Variants in STK38L observed in about 807,000 individuals in gnomAD.
STK38L encodes serine/threonine kinase 38 like, also known as serine/threonine-protein kinase 38-like.
Under a neutral mutation model 59.7 loss-of-function variants are expected in STK38L, and 28 were observed. That is an observed-to-expected ratio of 0.47 (90% confidence interval 0.35 to 0.64). The LOEUF (loss-of-function observed/expected upper bound fraction) is 0.64, where lower values mean the gene tolerates loss of function less well. STK38L is among the 30% of genes least tolerant of loss of function. The pLI is 0.01. For synonymous variants in STK38L, 162 were observed against 176.8 expected, an observed-to-expected ratio of 0.92 and a Z score of 0.66; for missense variants, 314 against 555.8, an observed-to-expected ratio of 0.56 and a Z score of 4.37.
chr12:27,292,963 C>G (rs944599856), intron 1 of STK38L, among the ~76,000 whole-genome samples: 1 of 151,886 alleles, frequency 6.6e-6, no homozygotes, highest in African/African-American at 2.4e-5. Flanking sequence ...TTTTTTTAGC[C>G]TAGATCTCAC....
chr12:27,270,628 T>C (rs937266093), intron 1 of STK38L, among the ~76,000 whole-genome samples: 1 of 152,146 alleles, frequency 6.6e-6, no homozygotes, highest in Non-Finnish European at 1.5e-5. Flanking sequence ...TCCACCTGCC[T>C]TGGGCTCCCA....
intron 1 of STK38L, among the ~76,000 whole-genome samples, chr12:27,265,268 ATG>A (rs1943279489): frequency 6.6e-6 from 1 of 152,116 alleles, no homozygotes; most frequent in Admixed American, 6.5e-5. Context: ...GGAAATATGT[ATG>A]TGTGTATGTG....
intron 1 of STK38L, among the ~76,000 whole-genome samples, chr12:27,288,432 T>A (rs1943825506): frequency 6.6e-6 from 1 of 152,172 alleles, no homozygotes; most frequent in African/African-American, 2.4e-5. Flanking sequence ...GATGTATTAA[T>A]AGATGGAAGC....
chr12:27,254,959 T>A (rs1167040777), intron 1 of STK38L, among the ~76,000 whole-genome samples: 2 of 152,236 alleles, frequency 1.3e-5, no homozygotes, highest in African/African-American at 4.8e-5. Flanking sequence ...ATGCCAAAAA[T>A]GGCAGTTTCT....
chr12:27,311,625 T>C (rs1326825655), intron 5 of STK38L, among the ~76,000 whole-genome samples: 1 of 152,194 alleles, frequency 6.6e-6, no homozygotes, highest in African/African-American at 2.4e-5. Context: ...CACATGATAG[T>C]ATCTCTAGTA....
chr12:27,294,686 C>T (rs1404353574), intron 1 of STK38L, among the ~76,000 whole-genome samples: 3 of 151,344 alleles, frequency 2.0e-5, no homozygotes, highest in Non-Finnish European at 4.4e-5. Context: ...TACACGATCC[C>T]TGTTTCACTT....
intron 1 of STK38L, among the ~76,000 whole-genome samples, chr12:27,261,258 C>T (rs1943198393): frequency 1.3e-5 from 2 of 152,142 alleles, no homozygotes; most frequent in Admixed American, 1.3e-4. Context: ...GTTGAAGTCC[C>T]CATCACAGCT....
chr12:27,293,931 A>G (rs533691716), intron 1 of STK38L, among the ~76,000 whole-genome samples: 1 of 152,354 alleles, frequency 6.6e-6, no homozygotes, highest in South Asian at 2.1e-4. Context: ...TTTATTGGCT[A>G]CAGATCTTCT....
intron 6 of STK38L, among the ~76,000 whole-genome samples, chr12:27,313,813 G>C (rs11832262): frequency 0.22 from 33,595 of 152,040 alleles, 4,914 homozygotes; most frequent in African/African-American, 0.41. Context: ...GAAAATAAAA[G>C]AATGTCTGCA....
intron 12 of STK38L, 33 bp from the exon 13 acceptor site, chr12:27,322,110 A>T (rs780820080): frequency 6.3e-7 from 1 of 1,581,146 alleles, no homozygotes; most frequent in East Asian, 2.2e-5. Flanking sequence ...AGTTCAAGAA[A>T]AGTTACCATG....
intron 1 of STK38L, among the ~76,000 whole-genome samples, chr12:27,296,055 G>A (rs1399392123): frequency 6.6e-6 from 1 of 152,200 alleles, no homozygotes; most frequent in South Asian, 2.1e-4. Flanking sequence ...CTAGCTATGT[G>A]ACTTGCCCCA....
In STK38L at chr12:27,312,553, C is replaced by A; in HGVS notation, c.398C>A (p.Ala133Asp). The change falls in exon 6 of 14, where the codon GCC becomes GAC. Residue 133 changes from alanine to aspartate, a missense_variant. By Grantham distance (126) the Ala-to-Asp change is moderately radical. Around this residue, in one of 3 missense-constraint regions of STK38L, gnomAD observed 192 missense variants for 316.9 expected, o/e 0.61. Transcript: ENST00000389032. ...KSDMLEKEQV[A>D]HIRAERDILV... is the part of the protein sequence containing the mutation. Reference sequence around the variant, plus strand: ...TTCAAAAATATATTCATCTAGGTGGCCCATATCCGAGCAGAAAGAGATATT... The same window carrying A: ...TTCAAAAATATATTCATCTAGGTGGACCATATCCGAGCAGAAAGAGATATT... The A allele has an allele frequency of 6.2e-7, 1 of 1,613,344 alleles. No individual in the cohort carries two copies. The highest frequency in any genetic ancestry group is 8.5e-7 in the Non-Finnish European group (1 of 1,179,798).
In STK38L at chr12:27,251,987, CT is replaced by C. The variant is rs138753725; in HGVS notation, c.-12+7665del. 8.0e-5 allele frequency among the ~76,000 whole-genome samples: 12 copies of C among 150,264 alleles called. No individual in the cohort carries two copies. In the South Asian group the frequency reaches 8.4e-4, roughly 11 times the overall value. ...CTTGCTGAGGTATCTTACAGTAGCACTTTTTTTTTTGAGACGGAGTCTCGCT... is the reference window on the plus strand; with the variant it reads ...CTTGCTGAGGTATCTTACAGTAGCACTTTTTTTTTGAGACGGAGTCTCGCT... On this transcript the variant is annotated intron_variant, in intron 1 of 13. Coordinates refer to ENST00000389032, the MANE Select transcript of STK38L (RefSeq NM_015000.4).
chr12:27,265,161 A>G (rs1428890249), intron 1 of STK38L, among the ~76,000 whole-genome samples: 8 of 152,214 alleles, frequency 5.3e-5, no homozygotes, highest in Admixed American at 5.2e-4. Context: ...GGTATGAAGA[A>G]AAAGAAAAGA....
chr12:27,313,826 T>A (rs11048970), intron 6 of STK38L, among the ~76,000 whole-genome samples: 60,176 of 152,036 alleles, frequency 0.4, 12,184 homozygotes, highest in Admixed American at 0.48. Flanking sequence ...TGTCTGCAGG[T>A]GCCTTTTTTA....
chr12:27,298,783 C>T (rs1944093200), intron 2 of STK38L, among the ~76,000 whole-genome samples: 1 of 152,156 alleles, frequency 6.6e-6, no homozygotes, highest in African/African-American at 2.4e-5. Context: ...GAAGAAATCA[C>T]CAGGTCAGGC....
At chr12:27,284,651 T>A (rs1943731178) in intron 1 of STK38L, among the ~76,000 whole-genome samples, 1 of 152,244 alleles carries the variant, frequency 6.6e-6, no homozygotes, top group Non-Finnish European at 1.5e-5. Context: ...GACAACCAAC[T>A]ATACAATTTA....
chr12:27,304,369 T>A (rs931117971), intron 3 of STK38L, among the ~76,000 whole-genome samples: 6 of 152,038 alleles, frequency 3.9e-5, no homozygotes, highest in Non-Finnish European at 8.8e-5. Context: ...TTCCTAGGAC[T>A]GTAGCTGTTC....
intron 1 of STK38L, among the ~76,000 whole-genome samples, chr12:27,256,617 A>G (rs968189264): frequency 6.6e-6 from 1 of 152,190 alleles, no homozygotes; most frequent in Non-Finnish European, 1.5e-5. Context: ...AAGAGGTAAT[A>G]ATGTTGGGCA....
Sources: allele counts gnomAD v4.1 joint callset (sites outside exome capture counted in the v4.1 genomes callset), GRCh38; gene constraint gnomAD v4.1.1; regional missense constraint gnomAD v4.1.1; transcripts MANE v1.5; gene names NCBI Gene and HGNC (gene_info 2026-07-23, HGNC 2026-07-21).